TENM2: variants seen among roughly 807,000 people sequenced by gnomAD.
TENM2 encodes teneurin-2.
In TENM2, 52 loss-of-function variants were observed where a neutral mutation model predicts 245.2. The observed-to-expected ratio is 0.21, with a 90% CI of 0.17 to 0.27. TENM2 has a LOEUF of 0.27. Ranked by LOEUF, TENM2 falls within the 10% of genes least tolerant of loss-of-function variation. The probability of loss-of-function intolerance (pLI) is 1.00; values close to 1 mark genes in which losing one functional copy is unlikely to be tolerated. For synonymous variants in TENM2, 1,363 were observed against 1,438.9 expected, an observed-to-expected ratio of 0.95 and a Z score of 1.19; for missense variants, 3,046 against 3,666.8, an observed-to-expected ratio of 0.83 and a Z score of 4.37.
chr5:167,560,580 A>G (rs1347167408), intron 2 of TENM2, among the ~76,000 whole-genome samples: 1 of 152,096 alleles, frequency 6.6e-6, no homozygotes, highest in African/African-American at 2.4e-5. Flanking sequence ...TGAGCACATT[A>G]TTTGTCTCCT....
chr5:167,661,429 A>G (rs2150322613), intron 2 of TENM2, among the ~76,000 whole-genome samples: 2 of 152,326 alleles, frequency 1.3e-5, no homozygotes, highest in Admixed American at 1.3e-4. Context: ...AAAAGTTCAC[A>G]GCAATTTCAA....
chr5:167,670,457 C>G (rs1431896472), intron 2 of TENM2, among the ~76,000 whole-genome samples: 1 of 151,772 alleles, frequency 6.6e-6, no homozygotes, highest in East Asian at 2.0e-4. Flanking sequence ...TTTATTCTCT[C>G]TCTGTCTCTC....
intron 9 of TENM2, among the ~76,000 whole-genome samples, chr5:168,115,754 C>T (rs990680832): frequency 1.3e-5 from 2 of 152,192 alleles, no homozygotes; most frequent in African/African-American, 4.8e-5. Context: ...CAGGAAATAC[C>T]TTCACTGTTA....
chr5:167,129,152 G>A, the TENM2 span, among the ~76,000 whole-genome samples: 1 of 152,094 alleles, frequency 6.6e-6, no homozygotes, highest in Non-Finnish European at 1.5e-5. Flanking sequence ...TGTCAGAATT[G>A]ATCCCAGTGC....
intron 2 of TENM2, among the ~76,000 whole-genome samples, chr5:167,864,097 C>T (rs1048193886): frequency 3.3e-5 from 5 of 152,074 alleles, no homozygotes; most frequent in Admixed American, 6.6e-5. Context: ...CAATGAGGAA[C>T]GGGTGGGGTA....
At chr5:168,018,188 CTCTT>C (rs1785826832) in intron 5 of TENM2, among the ~76,000 whole-genome samples, 1 of 152,172 alleles carries the variant, frequency 6.6e-6, no homozygotes, top group Admixed American at 6.5e-5. Context: ...TAATCTTTCT[CTCTT>C]TCCCTTTCTC....
chr5:167,897,447 A>G (rs989158777), intron 3 of TENM2, among the ~76,000 whole-genome samples: 15 of 152,248 alleles, frequency 9.9e-5, no homozygotes, highest in Non-Finnish European at 1.9e-4. Context: ...TAGAAAAAGT[A>G]GGAAAAAATC....
At position 167,940,745 on chromosome 5, in the gene TENM2, G is replaced by A. The variant is rs148649069; in HGVS notation, c.713-11843G>A. The stretch of plus-strand genomic sequence containing the variant: ...AGAGACGAACCTAGGCTGATATTCT[G>A]GGCAATTCCTACACACCACACAAGT... On this transcript the variant is annotated intron_variant, in intron 3 of 28. Transcript: ENST00000518659. Among the ~76,000 whole-genome samples the A allele has an allele frequency of 4.6e-5, 7 of 152,218 alleles. No homozygotes were observed. In the East Asian group the frequency reaches 1.4e-3, roughly 29 times the overall value.
chr5:168,047,600 G>A, intron 6 of TENM2, 51 bp downstream of exon 8: 1 of 1,533,298 alleles, frequency 6.5e-7, no homozygotes, highest in Non-Finnish European at 8.8e-7. Flanking sequence ...AAAATTCTGA[G>A]CTCTCGCCAG....
chr5:167,811,548 A>C (rs1366549801), intron 2 of TENM2, among the ~76,000 whole-genome samples: 2 of 152,084 alleles, frequency 1.3e-5, no homozygotes, highest in Non-Finnish European at 2.9e-5. Context: ...CTCTTTTTTT[A>C]ATAAATTACC....
intron 2 of TENM2, among the ~76,000 whole-genome samples, chr5:167,596,202 T>C (rs974310102): frequency 1.3e-5 from 2 of 152,176 alleles, no homozygotes; most frequent in Non-Finnish European, 2.9e-5. Context: ...TTTACTGTCA[T>C]TATCTGAAGT....
chr5:168,014,487 G>C (rs1246253349), intron 5 of TENM2, among the ~76,000 whole-genome samples: 1 of 152,012 alleles, frequency 6.6e-6, no homozygotes, highest in Non-Finnish European at 1.5e-5. Flanking sequence ...GGTATAATAG[G>C]TTTCCTGCTC....
At chr5:167,208,264 G>T in the TENM2 span, among the ~76,000 whole-genome samples, 1 of 152,160 alleles carries the variant, frequency 6.6e-6, no homozygotes. Flanking sequence ...TTCATGAAAA[G>T]AAACATTTAT....
intron 1 of TENM2, among the ~76,000 whole-genome samples, chr5:167,313,364 G>C (rs992374061): frequency 2.6e-5 from 4 of 152,178 alleles, no homozygotes; most frequent in Non-Finnish European, 5.9e-5. Flanking sequence ...ATATGGGCCA[G>C]GAGCGGTGGC....
chr5:168,196,039 C>T (rs1304519329), intron 15 of TENM2, among the ~76,000 whole-genome samples: 2 of 152,148 alleles, frequency 1.3e-5, no homozygotes, highest in Non-Finnish European at 2.9e-5. Context: ...CAGACACACA[C>T]ACAATTATGG....
chr5:168,024,771 G>A (rs540937374), intron 5 of TENM2, among the ~76,000 whole-genome samples: 8 of 152,166 alleles, frequency 5.3e-5, no homozygotes, highest in East Asian at 3.9e-4. Context: ...GGGCCCACTC[G>A]CCAGGCTGGG....
the TENM2 span, among the ~76,000 whole-genome samples, chr5:167,084,355 A>ATATATATATATGTATATATG: frequency 1.8e-5 from 2 of 109,348 alleles, 1 homozygote; most frequent in African/African-American, 6.8e-5. Flanking sequence ...ATATATATAT[A>ATATATATATATGTATATATG]TATATATATA....
chr5:167,268,873 C>CATAGAAAG, the TENM2 span, among the ~76,000 whole-genome samples: 1 of 139,494 alleles, frequency 7.2e-6, no homozygotes, highest in Non-Finnish European at 1.5e-5. Flanking sequence ...CCAAAAGATA[C>CATAGAAAG]ATAGATAGAT....
At chr5:168,069,152 C>G (rs372098352) in intron 7 of TENM2, among the ~76,000 whole-genome samples, 10 of 152,140 alleles carry the variant, frequency 6.6e-5, no homozygotes, top group African/African-American at 2.4e-4. Context: ...AAACATGTGC[C>G]TCTGCTCTGC....
Sources: allele counts gnomAD v4.1 joint callset (sites outside exome capture counted in the v4.1 genomes callset), GRCh38; gene constraint gnomAD v4.1.1; transcripts MANE v1.5; gene names NCBI Gene and HGNC (gene_info 2026-07-23, HGNC 2026-07-21).